PTPRM: variants seen among roughly 807,000 people sequenced by gnomAD.
PTPRM encodes receptor-type tyrosine-protein phosphatase mu.
In PTPRM, 47 loss-of-function variants were observed where a neutral mutation model predicts 186.7. The ratio of observed to expected loss-of-function variants is 0.25; its 90% CI spans 0.20 to 0.32. The LOEUF (loss-of-function observed/expected upper bound fraction) is 0.32, where lower values mean the gene tolerates loss of function less well. Ranked by LOEUF, PTPRM falls within the 10% of genes least tolerant of loss-of-function variation. The pLI is 1.00. For synonymous variants in PTPRM, 668 were observed against 674.9 expected (o/e 0.99, Z 0.16); for missense variants, 1,494 against 1,865.0 (o/e 0.80, Z 3.66).
chr18:7,965,033 C>CTTTTTTTTTT (rs569596603), intron 7 of PTPRM, among the ~76,000 whole-genome samples: 1 of 120,232 alleles, frequency 8.3e-6, no homozygotes, highest in Admixed American at 8.6e-5. Flanking sequence ...CACTCTAACA[C>CTTTTTTTTTT]TTTTTTTTTT....
intron 19 of PTPRM, among the ~76,000 whole-genome samples, chr18:8,257,924 C>CT (rs1195238334): frequency 1.3e-5 from 2 of 152,156 alleles, no homozygotes; most frequent in Non-Finnish European, 2.9e-5. Context: ...AGAAGTATGT[C>CT]CGAACAAGAG....
intron 1 of PTPRM, among the ~76,000 whole-genome samples, chr18:7,612,561 T>C (rs926809901): frequency 6.6e-6 from 1 of 152,180 alleles, no homozygotes; most frequent in African/African-American, 2.4e-5. Flanking sequence ...TTAGACCTCT[T>C]ATTTAAAATG....
At chr18:8,369,750 G>A in intron 23 of PTPRM, among the ~76,000 whole-genome samples, 1 of 152,162 alleles carries the variant, frequency 6.6e-6, no homozygotes. Context: ...GAGGCCAGGA[G>A]TTCAAGACCT....
intron 1 of PTPRM, among the ~76,000 whole-genome samples, chr18:7,663,829 G>A (rs918315902): frequency 5.9e-5 from 9 of 152,188 alleles, no homozygotes; most frequent in African/African-American, 9.6e-5. Context: ...AGAGCAGACC[G>A]TCATAGGCAC....
rs137938112 is a variant in PTPRM, at chr18:8,316,766, G to A, written c.2919+1909G>A. Reference sequence around the variant, plus strand: ...AAACTAAAGCCGTAAAGGGGGACTCGGAGCGCCAGACCTGGAGGCCCTGAT... The same window carrying A: ...AAACTAAAGCCGTAAAGGGGGACTCAGAGCGCCAGACCTGGAGGCCCTGAT... On this transcript the variant is annotated intron_variant, in intron 21 of 32. Coordinates refer to ENST00000580170, the MANE Select transcript of PTPRM (RefSeq NM_001105244.2). Among the ~76,000 whole-genome samples, 742 of 152,274 alleles carry A rather than the reference G, an allele frequency of 4.9e-3. 3 individuals are homozygous for A. Among genetic ancestry groups the A allele is most frequent in the South Asian group, 8.9e-3 (43 of 4,820 alleles).
At chr18:8,179,433 CT>C (rs61423621) in intron 14 of PTPRM, among the ~76,000 whole-genome samples, 2,392 of 150,002 alleles carry the variant, frequency 0.016, 74 homozygotes, top group African/African-American at 0.055. Context: ...CATTCTTGGA[CT>C]TTCTGACTTG....
intron 2 of PTPRM, among the ~76,000 whole-genome samples, chr18:7,839,661 T>A (rs2046226321): frequency 6.6e-6 from 1 of 152,024 alleles, no homozygotes; most frequent in Non-Finnish European, 1.5e-5. Flanking sequence ...GGGCTTAGGG[T>A]AGGAATGATG....
chr18:8,169,703 C>T (rs2093371108), intron 14 of PTPRM, among the ~76,000 whole-genome samples: 1 of 152,158 alleles, frequency 6.6e-6, no homozygotes, highest in Admixed American at 6.5e-5. Context: ...TCAGGAATCA[C>T]ATGGATTGAT....
At chr18:8,063,866 T>C (rs1313961751) in intron 7 of PTPRM, among the ~76,000 whole-genome samples, 1 of 152,244 alleles carries the variant, frequency 6.6e-6, no homozygotes, top group Non-Finnish European at 1.5e-5. Flanking sequence ...TTTTTAAATG[T>C]ACTAGCCAAA....
intron 1 of PTPRM, among the ~76,000 whole-genome samples, chr18:7,596,173 A>G (rs980779394): frequency 3.9e-5 from 6 of 152,106 alleles, no homozygotes; most frequent in African/African-American, 1.2e-4. Flanking sequence ...GAGTGACTTG[A>G]GCACAGGCAC....
chr18:7,994,475 T>C (rs990772066), intron 7 of PTPRM, among the ~76,000 whole-genome samples: 2 of 152,156 alleles, frequency 1.3e-5, no homozygotes, highest in Non-Finnish European at 1.5e-5. Context: ...ACAGACCACA[T>C]GGACCTAGCA....
intron 2 of PTPRM, among the ~76,000 whole-genome samples, chr18:7,798,163 G>A (rs1193603429): frequency 1.3e-5 from 2 of 152,154 alleles, no homozygotes; most frequent in Admixed American, 1.3e-4. Flanking sequence ...AGGGTTGGTA[G>A]TTCAAAAATC....
chr18:8,385,077 G>A (rs1024438512), intron 30 of PTPRM, among the ~76,000 whole-genome samples: 1 of 152,052 alleles, frequency 6.6e-6, no homozygotes, highest in African/African-American at 2.4e-5. Flanking sequence ...GAAGAGTAAG[G>A]GGGGTTCTGG....
At chr18:8,370,775 T>C (rs1260384850) in intron 23 of PTPRM, 115 bp from the exon 24 acceptor site, 2 of 594,756 alleles carry the variant, frequency 3.4e-6, no homozygotes, top group Non-Finnish European at 5.9e-6. Flanking sequence ...CTCTTGAGTA[T>C]ACAATTAACT....
intron 7 of PTPRM, among the ~76,000 whole-genome samples, chr18:8,069,325 C>T (rs1164752581): frequency 1.3e-5 from 2 of 152,108 alleles, no homozygotes; most frequent in African/African-American, 2.4e-5. Context: ...CATGGTTCAC[C>T]ATGGCTGCCT....
intron 14 of PTPRM, among the ~76,000 whole-genome samples, chr18:8,189,814 A>G (rs945253593): frequency 6.6e-6 from 1 of 152,156 alleles, no homozygotes; most frequent in African/African-American, 2.4e-5. Flanking sequence ...ATCCAACAAG[A>G]TAGTGTTCGT....
intron 14 of PTPRM, among the ~76,000 whole-genome samples, chr18:8,226,373 T>C (rs1216529148): frequency 2.0e-5 from 3 of 151,624 alleles, no homozygotes; most frequent in Admixed American, 2.0e-4. Flanking sequence ...TCACTACCAG[T>C]ATACTCAAGT....
chr18:7,850,971 A>G (rs931023347), intron 2 of PTPRM, among the ~76,000 whole-genome samples: 1 of 152,240 alleles, frequency 6.6e-6, no homozygotes, highest in African/African-American at 2.4e-5. Context: ...TAATATAACA[A>G]TGATTAAAAT....
chr18:8,082,914 G>A (rs926670240), intron 9 of PTPRM, among the ~76,000 whole-genome samples: 23 of 151,890 alleles, frequency 1.5e-4, no homozygotes, highest in East Asian at 7.8e-4. Context: ...CGATACATGG[G>A]ACCGTCTTCT....
Sources: gnomAD v4.1 joint callset for allele counts (sites outside exome capture counted in the v4.1 genomes callset) on GRCh38, gnomAD v4.1.1 for gene constraint, MANE v1.5 for transcripts, NCBI Gene and HGNC (gene_info 2026-07-23, HGNC 2026-07-21) for gene names.